The following UMAD1 variants were observed in gnomAD, a reference collection of about 807,000 sequenced individuals.
UMAD1 encodes the protein UBAP1-MVB12-associated (UMA)-domain containing protein 1.
UMAD1 carries 8 observed loss-of-function variants against 6.1 expected under a neutral mutation model. The observed-to-expected ratio is 1.30, with a 90% CI of 0.76 to 2.35. The LOEUF (loss-of-function observed/expected upper bound fraction) is 2.35, where lower values mean the gene tolerates loss of function less well. Among genes scored for constraint, UMAD1 ranks in the 30% most tolerant of loss-of-function variants. The pLI, the probability that UMAD1 is intolerant of heterozygous loss-of-function variation, is 0.00. For synonymous variants in UMAD1, 56 were observed against 31.4 expected (o/e 1.78, Z -2.61); for missense variants, 130 against 78.4 (o/e 1.66, Z -2.49).
intron 1 of UMAD1, among the ~76,000 whole-genome samples, chr7:7,642,729 A>C (rs914914210): frequency 6.6e-6 from 1 of 152,216 alleles, no homozygotes; most frequent in Non-Finnish European, 1.5e-5. Flanking sequence ...CCTGTCATTC[A>C]GCTGAAGAAA....
chr7:7,747,580 C>A (rs1451406838), intron 2 of UMAD1, among the ~76,000 whole-genome samples: 1 of 152,174 alleles, frequency 6.6e-6, no homozygotes, highest in Middle Eastern at 3.4e-3. Context: ...TATATTTTTT[C>A]CAAGAAATAA....
intron 2 of UMAD1, among the ~76,000 whole-genome samples, chr7:7,718,340 G>T (rs1780969520): frequency 6.6e-6 from 1 of 152,078 alleles, no homozygotes; most frequent in Non-Finnish European, 1.5e-5. Context: ...TGCATAGTGA[G>T]GGCATGGGTT....
intron 2 of UMAD1, among the ~76,000 whole-genome samples, chr7:7,753,819 G>C: frequency 6.6e-6 from 1 of 152,060 alleles, no homozygotes; most frequent in East Asian, 1.9e-4. Context: ...TCATATGGTA[G>C]CTCTATTTTT....
chr7:7,686,410 TG>T (rs1186217375), intron 2 of UMAD1, among the ~76,000 whole-genome samples: 1 of 152,212 alleles, frequency 6.6e-6, no homozygotes, highest in Non-Finnish European at 1.5e-5. Flanking sequence ...TTATGGGTTT[TG>T]TTTTTTTGTA....
At chr7:7,799,988 A>G (rs1182562163) in intron 2 of UMAD1, among the ~76,000 whole-genome samples, 1 of 152,092 alleles carries the variant, frequency 6.6e-6, no homozygotes, top group Non-Finnish European at 1.5e-5. Flanking sequence ...GGTTCAAGTG[A>G]TTCTCCTGCC....
At chr7:7,835,573 G>T (rs1783553611) in intron 3 of UMAD1, among the ~76,000 whole-genome samples, 1 of 144,112 alleles carries the variant, frequency 6.9e-6, no homozygotes, top group Non-Finnish European at 1.5e-5. Flanking sequence ...TCTAGTGTGG[G>T]AAATTGTACA....
intron 2 of UMAD1, among the ~76,000 whole-genome samples, chr7:7,766,106 C>A (rs1750691493): frequency 6.6e-6 from 1 of 152,106 alleles, no homozygotes; most frequent in African/African-American, 2.4e-5. Context: ...TAGCAGTTTC[C>A]TTCTTTTAAT....
chr7:7,805,689 C>T (rs1023106394), intron 3 of UMAD1, among the ~76,000 whole-genome samples: 2 of 152,296 alleles, frequency 1.3e-5, no homozygotes, highest in Non-Finnish European at 2.9e-5. Flanking sequence ...ATCCACCAGC[C>T]ACCTGCCGTT....
rs555853203 is a variant in UMAD1 at position 7,754,117 on chromosome 7, G to A, written c.83-47553G>A. 1.9e-4 allele frequency among the ~76,000 whole-genome samples: 29 copies of A among 152,184 alleles called. No individual in the cohort carries two copies. The East Asian group carries it at 4.4e-3, about 23-fold the overall frequency. ...GGAGAATCGCTTGAACCTGGGAGGC[G>A]GAGGTTGCAGTGAGCCAAGATTGCG... On this transcript the variant is annotated intron_variant, in intron 2 of 3. Coordinates refer to ENST00000682710, the MANE Select transcript of UMAD1 (RefSeq NM_001302348.2).
chr7:7,649,597 C>A (rs925131405), intron 1 of UMAD1, among the ~76,000 whole-genome samples: 1 of 152,060 alleles, frequency 6.6e-6, no homozygotes, highest in African/African-American at 2.4e-5. Flanking sequence ...TTCTTGCCTT[C>A]TTTTGCATTG....
At chr7:7,705,853 G>C (rs914107866) in intron 2 of UMAD1, among the ~76,000 whole-genome samples, 31 of 152,136 alleles carry the variant, frequency 2.0e-4, no homozygotes, top group African/African-American at 7.5e-4. Context: ...CTTTCTGGTG[G>C]GGAGGTTGTA....
At chr7:7,739,328 T>C (rs1323117764) in intron 2 of UMAD1, among the ~76,000 whole-genome samples, 1 of 152,232 alleles carries the variant, frequency 6.6e-6, no homozygotes, top group Non-Finnish European at 1.5e-5. Context: ...AAATTTATCA[T>C]ATTTTTAGTA....
chr7:7,847,907 A>T (rs1158020727), intron 3 of UMAD1, among the ~76,000 whole-genome samples: 1 of 152,118 alleles, frequency 6.6e-6, no homozygotes, highest in East Asian at 1.9e-4. Flanking sequence ...CAAATTTCTC[A>T]AAGCCACTTG....
rs1291910019 is a variant in UMAD1 at position 7,801,623 on chromosome 7, A to G, written c.83-47A>G. ...AACAAATAGCAAGTAGTTTGGCCTCAGTAATATGGTCAAGTTTTAAAAATA... is the reference window on the plus strand; with the variant it reads ...AACAAATAGCAAGTAGTTTGGCCTCGGTAATATGGTCAAGTTTTAAAAATA... On this transcript the variant is annotated intron_variant, in intron 2 of 3. Transcript: ENST00000682710. 7.1e-6 allele frequency: 5 copies of G among 706,722 alleles called. No individual in the cohort carries two copies. In the East Asian group the frequency reaches 8.1e-5, roughly 11 times the overall value. 43.8% of individuals were successfully genotyped at this position (706,722 alleles called of 1,614,324 possible).
chr7:7,707,610 A>T (rs1780638408), intron 2 of UMAD1, among the ~76,000 whole-genome samples: 1 of 152,194 alleles, frequency 6.6e-6, no homozygotes, highest in Non-Finnish European at 1.5e-5. Flanking sequence ...TAAAGCTAAC[A>T]AATAATAAAA....
chr7:7,745,510 T>G (rs866590467), intron 2 of UMAD1, among the ~76,000 whole-genome samples: 1 of 152,004 alleles, frequency 6.6e-6, no homozygotes, highest in African/African-American at 2.4e-5. Context: ...AAGCATTTAT[T>G]TTGGTATCTG....
intron 1 of UMAD1, among the ~76,000 whole-genome samples, chr7:7,662,824 T>G (rs564016458): frequency 6.6e-6 from 1 of 152,330 alleles, no homozygotes; most frequent in South Asian, 2.1e-4. Context: ...GTTAAAATGT[T>G]GTGGTGTTTA....
intron 2 of UMAD1, among the ~76,000 whole-genome samples, chr7:7,769,321 CT>C (rs1488048891): frequency 1.3e-5 from 2 of 151,684 alleles, no homozygotes; most frequent in Non-Finnish European, 2.9e-5. Context: ...CTTTAATGTT[CT>C]TTTTTTTAAG....
chr7:7,858,199 C>A (rs934018117), intron 3 of UMAD1, among the ~76,000 whole-genome samples: 3 of 152,156 alleles, frequency 2.0e-5, no homozygotes, highest in Admixed American at 6.5e-5. Flanking sequence ...TAGAAATAGG[C>A]ACACTATCGG....
Sources: allele counts gnomAD v4.1 joint callset (sites outside exome capture counted in the v4.1 genomes callset), GRCh38; gene constraint gnomAD v4.1.1; transcripts MANE v1.5; gene names NCBI Gene and HGNC (gene_info 2026-07-23, HGNC 2026-07-21).